Variants in MMP26 observed in about 807,000 individuals in gnomAD.
The protein encoded by MMP26 is matrix metallopeptidase 26.
Under a neutral mutation model 31.0 loss-of-function variants are expected in MMP26, and 33 were observed. That is an observed-to-expected ratio of 1.06 (90% CI 0.81 to 1.42). The LOEUF is 1.42. Among genes scored for constraint, MMP26 ranks in the 40% most tolerant of loss-of-function variants. MMP26 has a pLI of 0.00. For missense variants in MMP26, 347 were observed against 316.1 expected (o/e 1.10, Z -0.74); for synonymous variants, 122 against 114.9 (o/e 1.06, Z -0.40).
intron 2 of MMP26, among the ~76,000 whole-genome samples, chr11:4,834,415 A>C (rs2133483288): frequency 6.6e-6 from 1 of 152,298 alleles, no homozygotes; most frequent in African/African-American, 2.4e-5. Flanking sequence ...TCCTAATGAG[A>C]AAGGGTCAGC....
rs533119836 is a variant in MMP26, at chr11:4,781,057, T to C, written c.-145+13716T>C. ...CAGAGACTATATGTTTCCATTTATATAAAATTCTAGAAAAGATTAAAGTAT... is the reference window on the plus strand; with the variant it reads ...CAGAGACTATATGTTTCCATTTATACAAAATTCTAGAAAAGATTAAAGTAT... On this transcript the variant is annotated intron_variant, in intron 2 of 7. Coordinates refer to ENST00000380390, the MANE Select transcript of MMP26 (RefSeq NM_021801.5). Among the ~76,000 whole-genome samples, 3 of 152,210 alleles carry C rather than the reference T, an allele frequency of 2.0e-5. No homozygotes were observed. The South Asian group carries it at 6.2e-4, about 32-fold the overall frequency.
chr11:4,887,321 A>G (rs986645874), intron 2 of MMP26, among the ~76,000 whole-genome samples: 4 of 152,100 alleles, frequency 2.6e-5, no homozygotes, highest in African/African-American at 9.7e-5. Context: ...ATGTTACTGG[A>G]AGTTTAATTA....
intron 2 of MMP26, among the ~76,000 whole-genome samples, chr11:4,922,376 A>ATATCTC (rs1554891301): frequency 0.024 from 3,594 of 151,208 alleles, 136 homozygotes; most frequent in African/African-American, 0.082. Context: ...ATAGCAGAAA[A>ATATCTC]TACCTACATG....
intron 1 of MMP26, among the ~76,000 whole-genome samples, chr11:4,726,931 G>T (rs1848108822): frequency 6.6e-6 from 1 of 152,156 alleles, no homozygotes; most frequent in Non-Finnish European, 1.5e-5. Context: ...GTTCAGGATT[G>T]CTTGAGGCCA....
chr11:4,834,541 A>C (rs908068910), intron 2 of MMP26, among the ~76,000 whole-genome samples: 11 of 152,306 alleles, frequency 7.2e-5, no homozygotes, highest in Admixed American at 2.6e-4. Context: ...TTAGGAATTT[A>C]GAAGCTAACC....
rs778244033 is a variant in MMP26, at chr11:4,923,529, G to A, written c.-144-64539G>A. 11 of 1,614,146 alleles carry A rather than the reference G, an allele frequency of 6.8e-6. No homozygotes were observed. The Admixed American group carries it at 1.7e-4, about 24-fold the overall frequency. ...GACATGAAGAGGTGTACAACGCGGGGCAGATGTTCACCAAAGCGATGCACA... is the reference window on the plus strand; with the variant it reads ...GACATGAAGAGGTGTACAACGCGGGACAGATGTTCACCAAAGCGATGCACA... On this transcript the variant is annotated intron_variant, in intron 2 of 7. Coordinates refer to ENST00000380390, the MANE Select transcript of MMP26 (RefSeq NM_021801.5).
chr11:4,743,105 A>G (rs986333491), intron 1 of MMP26, among the ~76,000 whole-genome samples: 1 of 152,150 alleles, frequency 6.6e-6, no homozygotes, highest in Non-Finnish European at 1.5e-5. Flanking sequence ...TTAATAAAAA[A>G]TAAACTATAG....
intron 2 of MMP26, among the ~76,000 whole-genome samples, chr11:4,808,226 C>A (rs1388089767): frequency 6.6e-6 from 1 of 152,072 alleles, no homozygotes; most frequent in Non-Finnish European, 1.5e-5. Context: ...TATCGAGGTG[C>A]ATGACTTTGC....
chr11:4,951,706 G>A (rs1323698534), intron 2 of MMP26, among the ~76,000 whole-genome samples: 1 of 123,810 alleles, frequency 8.1e-6, no homozygotes, highest in Non-Finnish European at 1.8e-5. Flanking sequence ...TGAACCAATT[G>A]CACCAGTCAC....
At chr11:4,723,419 T>C (rs1055237243) in intron 1 of MMP26, 55 of 1,008,166 alleles carry the variant, frequency 5.5e-5, no homozygotes, top group Admixed American at 1.4e-4. Flanking sequence ...GTGTTGTCCA[T>C]GTCCAGGGAG....
intron 2 of MMP26, chr11:4,944,681 C>A (rs554222681): frequency 6.6e-6 from 1 of 152,068 alleles, no homozygotes; most frequent in South Asian, 2.1e-4. Context: ...AAATGATTTT[C>A]GCAATATGCA....
chr11:4,765,432 T>C (rs1028988181), intron 1 of MMP26, among the ~76,000 whole-genome samples: 3 of 152,188 alleles, frequency 2.0e-5, no homozygotes, highest in African/African-American at 7.2e-5. Flanking sequence ...GCTCCTCTAT[T>C]CTTGCCTTCT....
chr11:4,728,976 G>A (rs1199164141), intron 1 of MMP26, among the ~76,000 whole-genome samples: 1 of 151,300 alleles, frequency 6.6e-6, no homozygotes, highest in East Asian at 1.9e-4. Flanking sequence ...AATTATATAT[G>A]GTTTAAAAAC....
intron 2 of MMP26, among the ~76,000 whole-genome samples, chr11:4,927,486 G>T (rs527669566): frequency 2.0e-5 from 3 of 152,136 alleles, no homozygotes; most frequent in Non-Finnish European, 4.4e-5. Flanking sequence ...AAGTCCATTT[G>T]CCCCTCAAAA....
intron 2 of MMP26, among the ~76,000 whole-genome samples, chr11:4,972,347 G>A (rs374591844): frequency 6.6e-5 from 10 of 152,314 alleles, no homozygotes; most frequent in East Asian, 3.9e-4. Flanking sequence ...TCAAAGACAG[G>A]AATCTGTCAC....
intron 2 of MMP26, among the ~76,000 whole-genome samples, chr11:4,880,111 G>T (rs1434464185): frequency 6.6e-6 from 1 of 152,108 alleles, no homozygotes; most frequent in Non-Finnish European, 1.5e-5. Flanking sequence ...TGTCTGAGTT[G>T]CTGATGGGTT....
intron 2 of MMP26, among the ~76,000 whole-genome samples, chr11:4,884,340 G>A (rs1850520383): frequency 1.3e-5 from 2 of 152,116 alleles, no homozygotes; most frequent in African/African-American, 2.4e-5. Context: ...TGCACTCAGC[G>A]GGAAGTCTTT....
At chr11:4,959,310 G>C (rs1315784012) in intron 2 of MMP26, among the ~76,000 whole-genome samples, 1 of 150,938 alleles carries the variant, frequency 6.6e-6, no homozygotes, top group Non-Finnish European at 1.5e-5. Context: ...AATTTGGAAG[G>C]TACTTACCAC....
intron 6 of MMP26, 50 bp from the exon 7 acceptor site, chr11:4,991,914 A>G (rs934352983): frequency 1.4e-6 from 2 of 1,451,890 alleles, no homozygotes; most frequent in East Asian, 2.5e-5. Context: ...CACTTTCAGC[A>G]TTCCCTATGC....
Sources: gnomAD v4.1 joint callset for allele counts (sites outside exome capture counted in the v4.1 genomes callset) on GRCh38, gnomAD v4.1.1 for gene constraint, MANE v1.5 for transcripts, NCBI Gene and HGNC (gene_info 2026-07-23, HGNC 2026-07-21) for gene names.